The following SPIDR variants were observed in gnomAD, a reference collection of about 807,000 sequenced individuals.
The protein encoded by SPIDR is DNA repair-scaffolding protein.
SPIDR carries 93 observed loss-of-function variants against 104.6 expected under a neutral mutation model. The ratio of observed to expected loss-of-function variants is 0.89; its 90% confidence interval spans 0.75 to 1.06. The LOEUF (loss-of-function observed/expected upper bound fraction) is 1.06. SPIDR is among the 50% of genes least tolerant of loss of function. The pLI, the probability that SPIDR is intolerant of heterozygous loss-of-function variation, is 0.00. For missense variants in SPIDR, 1,154 were observed against 1,111.2 expected (o/e 1.04, Z -0.55); for synonymous variants, 431 against 416.9 (o/e 1.03, Z -0.41).
At chr8:47,574,327 A>G (rs935819486) in intron 8 of SPIDR, among the ~76,000 whole-genome samples, 1 of 152,224 alleles carries the variant, frequency 6.6e-6, no homozygotes, top group African/African-American at 2.4e-5. Flanking sequence ...ACACTTTTCA[A>G]TTCATTTGAT....
chr8:47,288,444 C>G (rs921205935), intron 3 of SPIDR, among the ~76,000 whole-genome samples: 7 of 152,106 alleles, frequency 4.6e-5, no homozygotes, highest in African/African-American at 1.7e-4. Context: ...ACAACCATGC[C>G]TGGCTAATTT....
chr8:47,408,686 A>T (rs543993516), intron 7 of SPIDR, among the ~76,000 whole-genome samples: 1 of 152,242 alleles, frequency 6.6e-6, no homozygotes, highest in Admixed American at 6.5e-5. Context: ...TCTTATATCT[A>T]GAAAACCCTA....
intron 5 of SPIDR, among the ~76,000 whole-genome samples, chr8:47,359,706 A>C (rs990585247): frequency 2.0e-5 from 3 of 152,168 alleles, no homozygotes; most frequent in African/African-American, 7.2e-5. Context: ...TCTCTGAAGA[A>C]AGTATAGTCC....
At chr8:47,616,119 AAGAC>A (rs1168757197) in intron 10 of SPIDR, among the ~76,000 whole-genome samples, 1 of 152,186 alleles carries the variant, frequency 6.6e-6, no homozygotes, top group Admixed American at 6.5e-5. Flanking sequence ...ATCGCGAGTA[AAGAC>A]AGTTTTACTT....
intron 10 of SPIDR, among the ~76,000 whole-genome samples, chr8:47,626,782 T>A (rs1478610288): frequency 3.3e-5 from 5 of 152,212 alleles, no homozygotes; most frequent in Non-Finnish European, 5.9e-5. Context: ...ACTTTTACAC[T>A]GTTGGTGGGA....
chr8:47,605,507 G>A (rs532721514), intron 10 of SPIDR, among the ~76,000 whole-genome samples: 37 of 152,320 alleles, frequency 2.4e-4, no homozygotes, highest in Non-Finnish European at 4.1e-4. Context: ...AGGGCATTCT[G>A]TCTCTTGTTT....
intron 11 of SPIDR, among the ~76,000 whole-genome samples, chr8:47,692,521 G>A (rs2078816040): frequency 9.3e-6 from 1 of 107,466 alleles, no homozygotes; most frequent in African/African-American, 3.6e-5. Flanking sequence ...CTTTGAGACT[G>A]AGTTTCTTGC....
chr8:47,729,337 C>T (rs1157662457), intron 18 of SPIDR, 75 bp from the exon 19 acceptor site: 12 of 1,531,444 alleles, frequency 7.8e-6, no homozygotes, highest in Middle Eastern at 1.7e-4. Context: ...TGTTAATTTT[C>T]GGGAATGAGT....
intron 5 of SPIDR, among the ~76,000 whole-genome samples, chr8:47,378,785 A>G (rs2058977995): frequency 6.6e-6 from 1 of 152,260 alleles, no homozygotes; most frequent in South Asian, 2.1e-4. Context: ...GGCACTTGCC[A>G]AAAGTCCAGC....
At chr8:47,547,466 C>T (rs533767749) in intron 8 of SPIDR, 72 of 212,604 alleles carry the variant, frequency 3.4e-4, no homozygotes, top group Non-Finnish European at 5.6e-4. Context: ...CTCGCTCTGT[C>T]GCCAGGCTGG....
chr8:47,624,315 C>A (rs1028763483), intron 10 of SPIDR, among the ~76,000 whole-genome samples: 6 of 152,228 alleles, frequency 3.9e-5, no homozygotes, highest in Non-Finnish European at 7.4e-5. Context: ...CCTAACATCA[C>A]AATTAAAAGA....
At chr8:47,587,783 T>C (rs948672496) in intron 8 of SPIDR, among the ~76,000 whole-genome samples, 21 of 150,262 alleles carry the variant, frequency 1.4e-4, no homozygotes, top group Non-Finnish European at 2.2e-4. Context: ...CAAACAAAAA[T>C]CACACTGTGG....
chr8:47,577,818 C>T (rs892236008), intron 8 of SPIDR, among the ~76,000 whole-genome samples: 2 of 152,062 alleles, frequency 1.3e-5, no homozygotes, highest in African/African-American at 4.8e-5. Context: ...ATTAGGGGGC[C>T]CCACCCCAGA....
chr8:47,682,408 T>TG (rs2077220187), intron 11 of SPIDR, among the ~76,000 whole-genome samples: 1 of 152,086 alleles, frequency 6.6e-6, no homozygotes, highest in Non-Finnish European at 1.5e-5. Flanking sequence ...CTAATGGGGT[T>TG]GGGGTCTACT....
chr8:47,417,354 G>T (rs1387130384), intron 7 of SPIDR, among the ~76,000 whole-genome samples: 2 of 152,128 alleles, frequency 1.3e-5, no homozygotes, highest in African/African-American at 2.4e-5. Flanking sequence ...TTGTGGTTTC[G>T]ATTTGCATTT....
chr8:47,321,651 G>A lies in SPIDR; in HGVS notation c.525+27621G>A, dbSNP rs577226892. On this transcript the variant is annotated intron_variant, in intron 5 of 19. Transcript: ENST00000297423. ...GGTATTGCCAAGTCAATCCTAAGGT[G>A]AAAGAACAAAGCTGGAGGCATCGTG... Among the ~76,000 whole-genome samples, 201 of 152,160 alleles carry A rather than the reference G, an allele frequency of 1.3e-3. 1 individual carries two copies. Among genetic ancestry groups the A allele is most frequent in the African/African-American group, 3.4e-3 (143 of 41,542 alleles).
intron 7 of SPIDR, among the ~76,000 whole-genome samples, chr8:47,438,718 C>T (rs1401023901): frequency 6.7e-6 from 1 of 149,376 alleles, no homozygotes; most frequent in Non-Finnish European, 1.5e-5. Context: ...AATAGTTGTC[C>T]AAGACAGTGC....
At chr8:47,663,033 A>G (rs2154464295) in intron 10 of SPIDR, among the ~76,000 whole-genome samples, 1 of 152,314 alleles carries the variant, frequency 6.6e-6, no homozygotes, top group East Asian at 1.9e-4. Flanking sequence ...GCTCAAATGG[A>G]CTAAGACACC....
chr8:47,338,952 G>C (rs553910528), intron 5 of SPIDR, among the ~76,000 whole-genome samples: 1 of 152,094 alleles, frequency 6.6e-6, no homozygotes, highest in Non-Finnish European at 1.5e-5. Flanking sequence ...TAAGAGTAAA[G>C]GACAAAATGA....
Sources: allele counts gnomAD v4.1 joint callset (sites outside exome capture counted in the v4.1 genomes callset), GRCh38; gene constraint gnomAD v4.1.1; transcripts MANE v1.5; gene names NCBI Gene and HGNC (gene_info 2026-07-23, HGNC 2026-07-21).